Variants in ANKS1B observed in about 807,000 individuals in gnomAD.
ANKS1B encodes the protein ankyrin repeat and sterile alpha motif domain containing 1B, also known as ankyrin repeat and sterile alpha motif domain-containing protein 1B.
Under a neutral mutation model 148.3 loss-of-function variants are expected in ANKS1B, and 36 were observed. The ratio of observed to expected loss-of-function variants is 0.24; its 90% CI spans 0.19 to 0.32. The LOEUF (loss-of-function observed/expected upper bound fraction) is 0.32, where lower values mean the gene tolerates loss of function less well. Among genes scored for constraint, ANKS1B ranks in the 10% least tolerant of loss-of-function variants. The probability of loss-of-function intolerance (pLI) is 1.00; values close to 1 mark genes in which losing one functional copy is unlikely to be tolerated. For missense variants in ANKS1B, 1,157 were observed against 1,542.6 expected (o/e 0.75, Z 4.19); for synonymous variants, 542 against 560.8 (o/e 0.97, Z 0.47).
chr12:99,855,341 C>A (rs544350964), intron 1 of ANKS1B, among the ~76,000 whole-genome samples: 1 of 151,948 alleles, frequency 6.6e-6, no homozygotes, highest in South Asian at 2.1e-4. Context: ...GATAAAAGAA[C>A]TAGTCCAACA....
intron 14 of ANKS1B, among the ~76,000 whole-genome samples, chr12:99,169,746 T>C (rs1038037039): frequency 2.0e-5 from 3 of 152,232 alleles, no homozygotes; most frequent in Admixed American, 6.5e-5. Context: ...AGTAAACTAG[T>C]AGTACTATTG....
At chr12:99,537,020 G>A (rs1184401693) in intron 9 of ANKS1B, among the ~76,000 whole-genome samples, 1 of 152,072 alleles carries the variant, frequency 6.6e-6, no homozygotes. Flanking sequence ...TTGTCTTTCT[G>A]TGCCTGGCCA....
At chr12:98,812,852 A>C (rs1239946853) in intron 19 of ANKS1B, among the ~76,000 whole-genome samples, 1 of 152,098 alleles carries the variant, frequency 6.6e-6, no homozygotes, top group Non-Finnish European at 1.5e-5. Context: ...GCTGGGATGA[A>C]AATTATTTTT....
chr12:99,260,718 A>G (rs2075835092), intron 12 of ANKS1B, among the ~76,000 whole-genome samples: 1 of 152,198 alleles, frequency 6.6e-6, no homozygotes, highest in Non-Finnish European at 1.5e-5. Flanking sequence ...TTCAGAGAGA[A>G]GAAAAAAATA....
chr12:99,202,138 C>T (rs1197004037), intron 14 of ANKS1B, among the ~76,000 whole-genome samples: 1 of 152,170 alleles, frequency 6.6e-6, no homozygotes, highest in Non-Finnish European at 1.5e-5. Flanking sequence ...TGACAATTGG[C>T]AATAGACTGT....
intron 1 of ANKS1B, among the ~76,000 whole-genome samples, chr12:99,922,403 C>T (rs2094380804): frequency 6.6e-6 from 1 of 152,052 alleles, no homozygotes; most frequent in South Asian, 2.1e-4. Flanking sequence ...TAGCACTAAA[C>T]ACTTCTAACA....
At chr12:99,193,440 A>G (rs766653181) in intron 14 of ANKS1B, among the ~76,000 whole-genome samples, 1 of 151,366 alleles carries the variant, frequency 6.6e-6, no homozygotes, top group Non-Finnish European at 1.5e-5. Context: ...GTTCATATCC[A>G]CTTTTTGTCC....
chr12:98,808,486 G>A (rs2099068305), intron 19 of ANKS1B, among the ~76,000 whole-genome samples: 1 of 152,160 alleles, frequency 6.6e-6, no homozygotes, highest in African/African-American at 2.4e-5. Flanking sequence ...CCCAGCACTG[G>A]GAGGAGTGAA....
Position 98,946,652 on chromosome 12 carries a change from T to C in ANKS1B, c.2778+106505A>G, listed in dbSNP as rs187903071. On this transcript the variant is annotated intron_variant, in intron 17 of 26. Transcript: ENST00000683438. ...ATAGGGTGGTCAGGTTTCACCTCATTGAAAAATGTGATTTGGCTCACACTT... is the reference window on the plus strand; with the variant it reads ...ATAGGGTGGTCAGGTTTCACCTCATCGAAAAATGTGATTTGGCTCACACTT... Among the ~76,000 whole-genome samples the C allele has an allele frequency of 3.3e-4, 50 of 152,114 alleles. 1 individual carries two copies. Among genetic ancestry groups the C allele is most frequent in the Admixed American group, 5.2e-4 (8 of 15,286 alleles).
chr12:99,597,847 G>T (rs1470625911), intron 9 of ANKS1B, among the ~76,000 whole-genome samples: 1 of 151,954 alleles, frequency 6.6e-6, no homozygotes, highest in Non-Finnish European at 1.5e-5. Flanking sequence ...TATTAAATAT[G>T]GAATAATTCT....
intron 10 of ANKS1B, among the ~76,000 whole-genome samples, chr12:99,489,733 C>T (rs1441967446): frequency 6.6e-6 from 1 of 152,188 alleles, no homozygotes; most frequent in Non-Finnish European, 1.5e-5. Flanking sequence ...GAGTGCTTAG[C>T]TGATTCAATG....
chr12:99,427,153 T>G (rs1010521916), intron 11 of ANKS1B, among the ~76,000 whole-genome samples: 2 of 152,192 alleles, frequency 1.3e-5, no homozygotes, highest in African/African-American at 4.8e-5. Context: ...CTCCATAAGG[T>G]ATTCTCTAGC....
At chr12:99,910,802 CAG>C (rs10573175) in intron 1 of ANKS1B, among the ~76,000 whole-genome samples, 29,449 of 151,976 alleles carry the variant, frequency 0.19, 3,077 homozygotes, top group Non-Finnish European at 0.24. Flanking sequence ...TACTCATTTA[CAG>C]AGAGTTCTGA....
intron 17 of ANKS1B, among the ~76,000 whole-genome samples, chr12:98,881,404 T>C (rs2099707786): frequency 6.6e-6 from 1 of 152,190 alleles, no homozygotes; most frequent in Non-Finnish European, 1.5e-5. Context: ...ATTTTCCATA[T>C]TAAACTGTTT....
chr12:99,970,011 C>T (rs2153836720), intron 1 of ANKS1B, among the ~76,000 whole-genome samples: 1 of 152,244 alleles, frequency 6.6e-6, no homozygotes, highest in South Asian at 2.1e-4. Flanking sequence ...ATGTTTACAA[C>T]ATTGCTTATA....
chr12:99,696,461 G>A (rs927900063), intron 8 of ANKS1B, among the ~76,000 whole-genome samples: 2 of 152,064 alleles, frequency 1.3e-5, no homozygotes, highest in East Asian at 3.9e-4. Context: ...CTTTGACAAA[G>A]TAGCAAAGCA....
intron 15 of ANKS1B, among the ~76,000 whole-genome samples, chr12:99,105,649 G>A (rs1322499431): frequency 6.7e-6 from 1 of 149,966 alleles, no homozygotes. Flanking sequence ...GGTGCCTGTA[G>A]TCCCAGCTAC....
rs377734555 is a variant in ANKS1B at position 99,913,537 on chromosome 12, T to A, written c.134+70567A>T. Among the ~76,000 whole-genome samples, 8 of 152,080 alleles carry A rather than the reference T, an allele frequency of 5.3e-5. 1 individual carries two copies. The East Asian group carries it at 9.6e-4, about 18-fold the overall frequency. On this transcript the variant is annotated intron_variant, in intron 1 of 26. Transcript: ENST00000683438. Reference sequence around the variant, plus strand: ...TTTCTTTCATCACGCTAACAAGAAGTAAAATAGGTTGCAAATAATGGTGTA... The same window carrying A: ...TTTCTTTCATCACGCTAACAAGAAGAAAAATAGGTTGCAAATAATGGTGTA...
intron 15 of ANKS1B, among the ~76,000 whole-genome samples, chr12:99,120,667 G>A (rs2062558318): frequency 1.3e-5 from 2 of 152,166 alleles, no homozygotes; most frequent in Admixed American, 1.3e-4. Flanking sequence ...GGAGAAGATG[G>A]AGACAACGCT....
Sources: allele counts gnomAD v4.1 joint callset (sites outside exome capture counted in the v4.1 genomes callset), GRCh38; gene constraint gnomAD v4.1.1; transcripts MANE v1.5; gene names NCBI Gene and HGNC (gene_info 2026-07-23, HGNC 2026-07-21).